Variants in ERBB4 observed in about 807,000 individuals in gnomAD.
The protein encoded by ERBB4 is erb-b2 receptor tyrosine kinase 4, also known as receptor tyrosine-protein kinase erbB-4.
A neutral mutation model predicts 158.0 loss-of-function variants in ERBB4; 42 were observed. The ratio of observed to expected loss-of-function variants is 0.27; its 90% confidence interval spans 0.21 to 0.34. The LOEUF is 0.34. ERBB4 is among the 10% of genes least tolerant of loss of function. ERBB4 has a pLI of 1.00. For missense variants in ERBB4, 1,333 were observed against 1,624.1 expected (o/e 0.82, Z 3.08); for synonymous variants, 583 against 558.7 (o/e 1.04, Z -0.61).
In ERBB4 at chr2:212,054,043, GA is replaced by G. The variant is rs576865897; in HGVS notation, c.234+70708del. 1.4e-4 allele frequency among the ~76,000 whole-genome samples: 22 copies of G among 152,270 alleles called. No homozygotes were observed. The East Asian group carries it at 3.7e-3, about 25-fold the overall frequency. On this transcript the variant is annotated intron_variant, in intron 2 of 27. Coordinates refer to ENST00000342788, the MANE Select transcript of ERBB4 (RefSeq NM_005235.3). ...GGATTTTGAGGCCGTGGCGTCTACAGAAAAAGCTGTGCAGTAACCTCCTTCC... is the reference window on the plus strand; with the variant it reads ...GGATTTTGAGGCCGTGGCGTCTACAGAAAAGCTGTGCAGTAACCTCCTTCC...
chr2:212,537,336 G>A (rs928605537), intron 1 of ERBB4, among the ~76,000 whole-genome samples: 4 of 152,030 alleles, frequency 2.6e-5, no homozygotes, highest in Admixed American at 6.6e-5. Context: ...GCACCCCTTG[G>A]CCACGTCAAG....
At chr2:211,795,714 A>G (rs1290452526) in intron 3 of ERBB4, among the ~76,000 whole-genome samples, 1 of 151,850 alleles carries the variant, frequency 6.6e-6, no homozygotes, top group African/African-American at 2.4e-5. Context: ...GGAAGAGTAC[A>G]TGTATTTTAA....
chr2:212,277,873 A>G (rs2085602807), intron 1 of ERBB4, among the ~76,000 whole-genome samples: 1 of 151,664 alleles, frequency 6.6e-6, no homozygotes, highest in African/African-American at 2.4e-5. Context: ...GAGGAGTATG[A>G]TTATGTTTCA....
chr2:211,813,171 T>C (rs1255889864), intron 3 of ERBB4, among the ~76,000 whole-genome samples: 1 of 152,198 alleles, frequency 6.6e-6, no homozygotes, highest in East Asian at 1.9e-4. Flanking sequence ...TATTTGGCCA[T>C]CTTGGAATGG....
intron 20 of ERBB4, among the ~76,000 whole-genome samples, chr2:211,439,283 G>C (rs1388221679): frequency 6.6e-6 from 1 of 152,140 alleles, no homozygotes; most frequent in African/African-American, 2.4e-5. Flanking sequence ...ACTGATGCCA[G>C]GCAAATTTCA....
At chr2:212,462,264 A>G (rs949181786) in intron 1 of ERBB4, among the ~76,000 whole-genome samples, 2 of 152,206 alleles carry the variant, frequency 1.3e-5, no homozygotes, top group Non-Finnish European at 2.9e-5. Flanking sequence ...AAATGAAACT[A>G]TATCAAACTA....
chr2:212,106,740 C>A (rs1012463046), intron 2 of ERBB4, among the ~76,000 whole-genome samples: 5 of 152,220 alleles, frequency 3.3e-5, no homozygotes, highest in Admixed American at 6.5e-5. Flanking sequence ...GGGCCTGGCC[C>A]AGGGTCCCTC....
intron 2 of ERBB4, among the ~76,000 whole-genome samples, chr2:212,036,094 T>C (rs2077005465): frequency 6.6e-6 from 1 of 152,220 alleles, no homozygotes; most frequent in Admixed American, 6.5e-5. Context: ...TAAATCTTCA[T>C]ATCAGTTACA....
intron 12 of ERBB4, among the ~76,000 whole-genome samples, chr2:211,687,140 A>AC (rs1243757626): frequency 8.4e-6 from 1 of 119,380 alleles, no homozygotes; most frequent in Non-Finnish European, 1.9e-5. Context: ...ACTTAAAAAA[A>AC]AAAAAGTACA....
chr2:211,883,042 C>T (rs1458582626), intron 3 of ERBB4, among the ~76,000 whole-genome samples: 1 of 152,104 alleles, frequency 6.6e-6, no homozygotes, highest in African/African-American at 2.4e-5. Context: ...TAGCAAAGAC[C>T]AACTCAGATG....
intron 1 of ERBB4, among the ~76,000 whole-genome samples, chr2:212,462,955 C>CATGGATG (rs1688650166): frequency 6.6e-6 from 1 of 152,040 alleles, no homozygotes; most frequent in Non-Finnish European, 1.5e-5. Flanking sequence ...TTTATGGCAA[C>CATGGATG]ATGGATGAGC....
At chr2:212,021,886 G>C (rs1273158234) in intron 2 of ERBB4, among the ~76,000 whole-genome samples, 1 of 151,942 alleles carries the variant, frequency 6.6e-6, no homozygotes, top group Non-Finnish European at 1.5e-5. Flanking sequence ...CTTCTCAAAA[G>C]AAGACATTTA....
intron 1 of ERBB4, among the ~76,000 whole-genome samples, chr2:212,419,844 T>C (rs1258024377): frequency 6.6e-6 from 1 of 151,960 alleles, no homozygotes; most frequent in African/African-American, 2.4e-5. Context: ...CTGAGATTCT[T>C]TAAACCTTCT....
At chr2:212,471,482 G>A (rs537952051) in intron 1 of ERBB4, among the ~76,000 whole-genome samples, 7 of 151,600 alleles carry the variant, frequency 4.6e-5, no homozygotes, top group African/African-American at 1.5e-4. Flanking sequence ...CCAATAAATC[G>A]AGATCTCTGC....
At chr2:211,534,048 G>C (rs1176691152) in intron 20 of ERBB4, among the ~76,000 whole-genome samples, 1 of 152,072 alleles carries the variant, frequency 6.6e-6, no homozygotes, top group Non-Finnish European at 1.5e-5. Context: ...AAATGCAGCT[G>C]TGGGATTATT....
rs377698168 is a variant in ERBB4 at position 211,834,932 on chromosome 2, C to T, written c.422-46773G>A. ...GTAAAGTCATATAGATTTTAAAAAC[C>T]TATTCATATATTTTAAAACTTTTTT... On this transcript the variant is annotated intron_variant, in intron 3 of 27. Coordinates refer to ENST00000342788, the MANE Select transcript of ERBB4 (RefSeq NM_005235.3). 4.0e-4 allele frequency among the ~76,000 whole-genome samples: 61 copies of T among 152,174 alleles called. No individual in the cohort carries two copies. The South Asian group carries it at 4.4e-3, about 11-fold the overall frequency.
intron 20 of ERBB4, among the ~76,000 whole-genome samples, chr2:211,440,738 C>T (rs1244079090): frequency 1.3e-5 from 2 of 152,112 alleles, no homozygotes; most frequent in African/African-American, 4.8e-5. Flanking sequence ...GTGTGGTTTA[C>T]TTATCTATAT....
intron 1 of ERBB4, among the ~76,000 whole-genome samples, chr2:212,240,564 C>T (rs1310457246): frequency 5.5e-5 from 7 of 127,326 alleles, no homozygotes; most frequent in African/African-American, 1.2e-4. Context: ...ACCCGGGAGG[C>T]GGAGGTTGCA....
chr2:211,907,166 C>T (rs1289570531), intron 3 of ERBB4, among the ~76,000 whole-genome samples: 1 of 151,622 alleles, frequency 6.6e-6, no homozygotes, highest in Non-Finnish European at 1.5e-5. Context: ...CTTGTATTTT[C>T]ACTAAATATA....
Sources: gnomAD v4.1 joint callset for allele counts (sites outside exome capture counted in the v4.1 genomes callset) on GRCh38, gnomAD v4.1.1 for gene constraint, MANE v1.5 for transcripts, NCBI Gene and HGNC (gene_info 2026-07-23, HGNC 2026-07-21) for gene names.